CDH23: variants seen among roughly 807,000 people sequenced by gnomAD.
CDH23 encodes the protein cadherin related 23, also known as cadherin-23.
CDH23 carries 189 observed loss-of-function variants against 317.1 expected under a neutral mutation model. That is an observed-to-expected ratio of 0.60 (90% confidence interval 0.53 to 0.67). The LOEUF is 0.67. CDH23 is among the 30% of genes least tolerant of loss of function. CDH23 has a pLI of 0.00. For synonymous variants in CDH23, 1,839 were observed against 1,876.8 expected, an observed-to-expected ratio of 0.98 and a Z score of 0.52; for missense variants, 4,401 against 4,592.4, an observed-to-expected ratio of 0.96 and a Z score of 1.20.
chr10:71,712,386 T>C (rs1013237335), intron 27 of CDH23: 4 of 367,266 alleles, frequency 1.1e-5, no homozygotes, highest in Non-Finnish European at 2.0e-5. Flanking sequence ...CTCAGTTACC[T>C]CCTCTGTAAA....
At chr10:71,753,998 G>A (rs1008208352) in intron 38 of CDH23, among the ~76,000 whole-genome samples, 5 of 152,242 alleles carry the variant, frequency 3.3e-5, no homozygotes, top group African/African-American at 1.2e-4. Context: ...AAAGCAGGAT[G>A]GAAATCCACA....
intron 38 of CDH23, chr10:71,760,919 C>A: frequency 6.2e-7 from 1 of 1,613,858 alleles, no homozygotes; most frequent in Non-Finnish European, 8.5e-7. Flanking sequence ...GATGGTGCAT[C>A]TTTGCCTGTG....
chr10:71,584,294 G>A (rs538820553), intron 9 of CDH23, among the ~76,000 whole-genome samples: 1 of 152,156 alleles, frequency 6.6e-6, no homozygotes, highest in South Asian at 2.1e-4. Context: ...TGATGATGAA[G>A]AGAAGGTTGA....
intron 1 of CDH23, among the ~76,000 whole-genome samples, chr10:71,428,997 C>T (rs929568812): frequency 6.6e-6 from 1 of 152,144 alleles, no homozygotes; most frequent in African/African-American, 2.4e-5. Context: ...CCTTATCTGG[C>T]ATGTGATTTG....
intron 28 of CDH23, among the ~76,000 whole-genome samples, chr10:71,722,581 C>T (rs1041444846): frequency 2.0e-5 from 3 of 152,298 alleles, no homozygotes; most frequent in East Asian, 1.9e-4. Flanking sequence ...GCCCTTTCTT[C>T]CTGTGGGGAT....
intron 14 of CDH23, among the ~76,000 whole-genome samples, chr10:71,669,523 C>A (rs1315235276): frequency 1.3e-5 from 2 of 151,606 alleles, no homozygotes; most frequent in Non-Finnish European, 2.9e-5. Flanking sequence ...TCTCTGCTCA[C>A]TGCAACCTCC....
In CDH23 at chr10:71,566,884, G is replaced by T. The variant is rs372588663; in HGVS notation, c.572G>T (p.Arg191Leu). Residue 191 changes from arginine to leucine, a missense_variant, in exon 7 of 70, where the codon CGG (arginine) becomes CTG (leucine). Coordinates refer to ENST00000224721, the MANE Select transcript of CDH23 (RefSeq NM_022124.6). ...DSARGIVTVI[R>L]ELDYETTQAY... ...GCCCGCGGTATCGTCACAGTGATCCGGGAGCTGGACTACGAGACCACACAG... is the reference window on the plus strand; with the variant it reads ...GCCCGCGGTATCGTCACAGTGATCCTGGAGCTGGACTACGAGACCACACAG... The T allele has an allele frequency of 3.1e-6, 5 of 1,613,696 alleles. No individual in the cohort carries two copies. The highest frequency in any genetic ancestry group is 4.2e-6 in the Non-Finnish European group (5 of 1,179,882).
At chr10:71,647,454 T>C (rs1333057266) in intron 14 of CDH23, among the ~76,000 whole-genome samples, 14 of 79,912 alleles carry the variant, frequency 1.8e-4, no homozygotes, top group Admixed American at 1.3e-4. Context: ...CAGAGCCAGA[T>C]TCTGTCTCAA....
chr10:71,561,995 G>C (rs1857156437), intron 6 of CDH23, among the ~76,000 whole-genome samples: 1 of 152,100 alleles, frequency 6.6e-6, no homozygotes, highest in African/African-American at 2.4e-5. Context: ...CTGGACCCAG[G>C]GCGAGTGTCC....
intron 6 of CDH23, among the ~76,000 whole-genome samples, chr10:71,529,068 A>C (rs1349868373): frequency 1.3e-5 from 2 of 152,172 alleles, no homozygotes; most frequent in African/African-American, 4.8e-5. Context: ...CTATTTGGAC[A>C]ACCCCAGTGT....
intron 9 of CDH23, among the ~76,000 whole-genome samples, chr10:71,579,181 T>TAGGGGTTAG (rs59396157): frequency 0.059 from 8,918 of 152,244 alleles, 367 homozygotes; most frequent in Non-Finnish European, 0.089. Context: ...CTTGGGAAGC[T>TAGGGGTTAG]AGGGGTTAGC....
chr10:71,681,669 GCT>G, intron 17 of CDH23, among the ~76,000 whole-genome samples: 1 of 152,328 alleles, frequency 6.6e-6, no homozygotes, highest in Admixed American at 6.5e-5. Context: ...AGGGGCAGTG[GCT>G]CACGCCTGTA....
chr10:71,702,615 A>T lies in CDH23; in HGVS notation c.2654A>T (p.Asp885Val), dbSNP rs1442574005. 6.2e-7 allele frequency: 1 copy of T among 1,614,012 alleles called. No homozygotes were observed. Among genetic ancestry groups the T allele is most frequent in the Non-Finnish European group, 8.5e-7 (1 of 1,179,906 alleles). Residue 885 changes from aspartate (D) to valine (V), a missense_variant, in exon 24 of 70, where the codon GAC becomes GTC. Transcript: ENST00000224721. Reference sequence around the variant, plus strand: ...TTTGTGAACCTCTTGGATCTCAATGACAATGACCCCACCTTTCAGAACCTG... The same window carrying T: ...TTTGTGAACCTCTTGGATCTCAATGTCAATGACCCCACCTTTCAGAACCTG... ...TVFVNLLDLNDNDPTFQNLPF... is the reference protein window; with the variant it reads ...TVFVNLLDLNVNDPTFQNLPF...
chr10:71,493,580 C>T (rs1362421796), intron 3 of CDH23, among the ~76,000 whole-genome samples: 3 of 152,166 alleles, frequency 2.0e-5, no homozygotes, highest in Admixed American at 6.5e-5. Context: ...GAGAGGCTCT[C>T]GGAATAAAGG....
At chr10:71,444,272 T>A (rs1186024407) in intron 2 of CDH23, among the ~76,000 whole-genome samples, 4 of 152,282 alleles carry the variant, frequency 2.6e-5, no homozygotes. Flanking sequence ...TCTCATTTAA[T>A]CCTCAGGTTA....
At chr10:71,681,422 A>C (rs1864645209) in intron 17 of CDH23, among the ~76,000 whole-genome samples, 1 of 152,200 alleles carries the variant, frequency 6.6e-6, no homozygotes, top group Non-Finnish European at 1.5e-5. Context: ...ATTTCAGGGC[A>C]CAGGCATCTA....
At chr10:71,670,784 T>C (rs1227045) in intron 14 of CDH23, among the ~76,000 whole-genome samples, 102,567 of 151,736 alleles carry the variant, frequency 0.68, 35,333 homozygotes, top group East Asian at 0.82. Context: ...GCTTTGACTT[T>C]TTGCCCCTGG....
chr10:71,808,137 A>C, intron 60 of CDH23, 130 bp downstream of exon 60: 2 of 1,082,664 alleles, frequency 1.8e-6, no homozygotes, highest in Non-Finnish European at 2.7e-6. Context: ...CAGCCACACC[A>C]ATCCTATTCA....
chr10:71,702,030 T>C lies in CDH23; in HGVS notation c.2406T>C (p.Ala802=). 6.2e-7 allele frequency: 1 copy of C among 1,613,598 alleles called. No homozygotes were observed. The highest frequency in any genetic ancestry group is 8.5e-7 in the Non-Finnish European group (1 of 1,179,844). The part of the protein sequence containing the change: ...PPDSDVTTVV[A]VDPDLGENGT... Reference sequence around the variant, plus strand: ...TGCTCCCTCCCGGGCAGGTGGTGGCTGTTGACCCAGACCTGGGGGAGAATG... The same window carrying C: ...TGCTCCCTCCCGGGCAGGTGGTGGCCGTTGACCCAGACCTGGGGGAGAATG... The change falls in exon 23 of 70, where the codon GCT becomes GCC. Residue 802 remains alanine, a synonymous_variant. Coordinates refer to ENST00000224721, the MANE Select transcript of CDH23 (RefSeq NM_022124.6).
Sources: allele counts gnomAD v4.1 joint callset (sites outside exome capture counted in the v4.1 genomes callset), GRCh38; gene constraint gnomAD v4.1.1; transcripts MANE v1.5; gene names NCBI Gene and HGNC (gene_info 2026-07-23, HGNC 2026-07-21).